MARS1: variants seen among roughly 807,000 people sequenced by gnomAD.
MARS1 encodes the protein methionyl-tRNA synthetase 1.
A neutral mutation model predicts 119.5 loss-of-function variants in MARS1; 80 were observed. The observed-to-expected ratio is 0.67, with a 90% confidence interval of 0.56 to 0.81. The LOEUF (loss-of-function observed/expected upper bound fraction) is 0.81. MARS1 is among the 30% of genes least tolerant of loss of function. The pLI is 0.00. For synonymous variants in MARS1, 418 were observed against 433.4 expected, an observed-to-expected ratio of 0.96 and a Z score of 0.44; for missense variants, 945 against 1,116.5, an observed-to-expected ratio of 0.85 and a Z score of 2.19.
At chr12:57,490,678 A>C (rs1875870367) in intron 7 of MARS1, 34 bp downstream of exon 7, 1 of 1,559,212 alleles carries the variant, frequency 6.4e-7, no homozygotes, top group South Asian at 1.1e-5. Flanking sequence ...GTGGGGCTTG[A>C]TTTTGTAGTG....
chr12:57,489,746 A>C, intron 4 of MARS1, 150 bp from the exon 5 acceptor site: 1 of 1,059,996 alleles, frequency 9.4e-7, no homozygotes, highest in Non-Finnish European at 1.4e-6. Flanking sequence ...TACCTATCTC[A>C]GTGAGTTATT....
intron 15 of MARS1, among the ~76,000 whole-genome samples, 164 bp downstream of exon 15, chr12:57,513,128 G>A (rs1470438553): frequency 6.6e-6 from 1 of 152,192 alleles, no homozygotes; most frequent in African/African-American, 2.4e-5. Flanking sequence ...CACATACTAG[G>A]CTATGTGTGC....
chr12:57,515,798 C>T, intron 18 of MARS1, 122 bp from the exon 19 acceptor site: 1 of 738,226 alleles, frequency 1.4e-6, no homozygotes, highest in Non-Finnish European at 2.3e-6. Context: ...CAGATATTAG[C>T]TCAGTGTTAA....
At chr12:57,490,751 T>G in intron 7 of MARS1, 107 bp downstream of exon 7, 1 of 774,426 alleles carries the variant, frequency 1.3e-6, no homozygotes, top group Non-Finnish European at 2.2e-6. Context: ...TCTTTAATTT[T>G]TCATCCTCTC....
chr12:57,502,647 A>G (rs1330144878), intron 10 of MARS1, among the ~76,000 whole-genome samples: 7 of 145,228 alleles, frequency 4.8e-5, no homozygotes, highest in South Asian at 2.3e-4. Flanking sequence ...TGGAGGTTTC[A>G]GTGAGCTGAG....
chr12:57,508,290 T>C (rs1330543761), intron 11 of MARS1, among the ~76,000 whole-genome samples: 1 of 152,152 alleles, frequency 6.6e-6, no homozygotes, highest in East Asian at 1.9e-4. Flanking sequence ...ATCTCGGCAC[T>C]TTGGGAGGCC....
At chr12:57,493,586 A>T (rs57598635) in intron 7 of MARS1, among the ~76,000 whole-genome samples, 1 of 30,642 alleles carries the variant, frequency 3.3e-5, no homozygotes, top group Non-Finnish European at 5.0e-5. Context: ...ATAATATATA[A>T]TATATTATAA....
intron 7 of MARS1, among the ~76,000 whole-genome samples, chr12:57,495,991 A>C (rs1049852262): frequency 6.6e-6 from 1 of 152,046 alleles, no homozygotes; most frequent in Non-Finnish European, 1.5e-5. Flanking sequence ...GAGACCGTGG[A>C]AAGTGGGAGA....
intron 11 of MARS1, among the ~76,000 whole-genome samples, chr12:57,509,917 C>T (rs147836267): frequency 7.9e-5 from 12 of 152,236 alleles, no homozygotes; most frequent in African/African-American, 2.2e-4. Context: ...TTTGCTGGTA[C>T]GTCTACAAAA....
rs942740292 is a variant in MARS1, at chr12:57,504,317, T to C, written c.1368+18T>C. The C allele has an allele frequency of 1.9e-6, 3 of 1,611,718 alleles. No homozygotes were observed. Among genetic ancestry groups the C allele is most frequent in the South Asian group, 1.1e-5 (1 of 91,040 alleles). On this transcript the variant is annotated intron_variant, in intron 11 of 20. Coordinates refer to ENST00000262027, the MANE Select transcript of MARS1 (RefSeq NM_004990.4). ...TGCCTAAGGTAAGTGAGCTTTTCTC[T>C]CAACCTAGTTTTCAGGAGGCCTCTT...
rs761879553 is a variant in MARS1, at chr12:57,498,637, A to C, written c.1091+14A>C. On this transcript the variant is annotated intron_variant, in intron 9 of 20. Transcript: ENST00000262027. ...ACAGCAGACCAAGTAAGTTTCCTCT[A>C]ATGAGGCAGAAATGGGGCTTGAAGG... 6.2e-7 allele frequency: 1 copy of C among 1,611,594 alleles called. No homozygotes were observed.
At chr12:57,498,866 T>C (rs1002340927) in intron 9 of MARS1, among the ~76,000 whole-genome samples, 2 of 152,142 alleles carry the variant, frequency 1.3e-5, no homozygotes, top group East Asian at 1.9e-4. Context: ...ATGGGAAATA[T>C]CTATCTTCCC....
At chr12:57,508,699 A>AGGTAGAGGTAGAGGTAGAGGGTAGAG (rs71280717) in intron 11 of MARS1, among the ~76,000 whole-genome samples, 19,955 of 145,562 alleles carry the variant, frequency 0.14, 1,810 homozygotes, top group Non-Finnish European at 0.2. Flanking sequence ...GTAGAGGTAG[A>AGGTAGAGGTAGAGGTAGAGGGTAGAG]GGTAGAGGGT....
chr12:57,512,553 GA>G lies in MARS1; in HGVS notation c.1754-197del. The G allele has an allele frequency of 7.8e-6, 5 of 640,282 alleles. No individual in the cohort carries two copies. In the South Asian group the frequency reaches 9.9e-5, roughly 13 times the overall value. The allele number at this position is 640,282 out of a possible 1,614,324, so 39.7% of individuals were successfully genotyped here. ...AGTCTAAAGCTAAAACTCTTTAGTA[GA>G]TATAAGCAAAGAGAAAAAAGGGCCA... On this transcript the variant is annotated intron_variant, in intron 14 of 20. Coordinates refer to ENST00000262027, the MANE Select transcript of MARS1 (RefSeq NM_004990.4).
At chr12:57,508,647 C>T (rs1172393679) in intron 11 of MARS1, among the ~76,000 whole-genome samples, 13 of 150,524 alleles carry the variant, frequency 8.6e-5, no homozygotes, top group Non-Finnish European at 1.6e-4. Flanking sequence ...AGAGGGAGAC[C>T]GTGGAAAGAG....
At chr12:57,496,342 T>C (rs1876632121) in intron 7 of MARS1, among the ~76,000 whole-genome samples, 2 of 151,656 alleles carry the variant, frequency 1.3e-5, no homozygotes, top group South Asian at 2.1e-4. Flanking sequence ...TTTTGTACTT[T>C]TTTAGTAGAG....
intron 11 of MARS1, among the ~76,000 whole-genome samples, chr12:57,509,495 C>T (rs1877405269): frequency 2.0e-5 from 3 of 152,308 alleles, no homozygotes; most frequent in South Asian, 2.1e-4. Context: ...CAACTGCCAT[C>T]TCCAGGATTC....
chr12:57,500,223 T>G (rs1304563946), intron 9 of MARS1, 98 bp from the exon 10 acceptor site: 3 of 966,896 alleles, frequency 3.1e-6, no homozygotes, highest in Middle Eastern at 2.9e-4. Context: ...GCCTGATTTC[T>G]TTGTCACTGA....
At chr12:57,499,342 TC>T (rs1224082916) in intron 9 of MARS1, among the ~76,000 whole-genome samples, 1 of 129,724 alleles carries the variant, frequency 7.7e-6, no homozygotes, top group Non-Finnish European at 1.6e-5. Context: ...ACACCTGTAA[TC>T]CCAGCACTTT....
Sources: gnomAD v4.1 joint callset for allele counts (sites outside exome capture counted in the v4.1 genomes callset) on GRCh38, gnomAD v4.1.1 for gene constraint, MANE v1.5 for transcripts, NCBI Gene and HGNC (gene_info 2026-07-23, HGNC 2026-07-21) for gene names.